GUCY1A2: variants seen among roughly 807,000 people sequenced by gnomAD.
The protein encoded by GUCY1A2 is guanylate cyclase 1 soluble subunit alpha 2.
In GUCY1A2, 27 loss-of-function variants were observed where a neutral mutation model predicts 63.5. The observed-to-expected ratio is 0.43, with a 90% CI of 0.31 to 0.59. GUCY1A2 has a LOEUF of 0.59. GUCY1A2 is among the 20% of genes least tolerant of loss of function. GUCY1A2 has a pLI of 0.11. For missense variants in GUCY1A2, 768 were observed against 913.3 expected (o/e 0.84, Z 2.05); for synonymous variants, 364 against 343.5 (o/e 1.06, Z -0.66).
intron 1 of GUCY1A2, among the ~76,000 whole-genome samples, chr11:106,991,151 G>A (rs570120903): frequency 1.3e-4 from 19 of 146,342 alleles, no homozygotes; most frequent in African/African-American, 3.7e-4. Context: ...CACCATGCCC[G>A]GCTTTTTTTT....
chr11:106,741,513 T>C (rs921773454), intron 6 of GUCY1A2, among the ~76,000 whole-genome samples: 1 of 151,962 alleles, frequency 6.6e-6, no homozygotes, highest in Non-Finnish European at 1.5e-5. Flanking sequence ...AAGGAGAAAA[T>C]AACCACAGAA....
At chr11:106,897,284 T>C (rs1451164854) in intron 4 of GUCY1A2, among the ~76,000 whole-genome samples, 2 of 152,182 alleles carry the variant, frequency 1.3e-5, no homozygotes, top group Admixed American at 6.5e-5. Flanking sequence ...ACTTGCTCTA[T>C]AGATTCAATG....
intron 4 of GUCY1A2, among the ~76,000 whole-genome samples, chr11:106,875,549 A>C (rs1222757928): frequency 2.0e-5 from 3 of 152,010 alleles, no homozygotes; most frequent in Non-Finnish European, 4.4e-5. Context: ...CACTGACTTC[A>C]TTGTTAAGAA....
At position 106,826,589 on chromosome 11, in the gene GUCY1A2, A is replaced by C. The variant is rs372115231; in HGVS notation, c.1207-16111T>G. The C allele has an allele frequency of 8.1e-6, 13 of 1,602,982 alleles. No individual in the cohort carries two copies. The African/African-American group carries it at 1.5e-4, about 18-fold the overall frequency. On this transcript the variant is annotated intron_variant, in intron 4 of 7. Transcript: ENST00000526355. ...TGTCCTTTGGTACATCTCAGCATTA[A>C]TTCATGATCTGAACCTAAGCCCTGT...
chr11:106,762,787 T>TA (rs1864088181), intron 6 of GUCY1A2, among the ~76,000 whole-genome samples: 1 of 152,156 alleles, frequency 6.6e-6, no homozygotes, highest in Non-Finnish European at 1.5e-5. Flanking sequence ...AGTTTGCTCA[T>TA]ATTAATTTCT....
chr11:106,794,831 T>C (rs1311563004), intron 5 of GUCY1A2, among the ~76,000 whole-genome samples: 1 of 152,118 alleles, frequency 6.6e-6, no homozygotes, highest in Admixed American at 6.6e-5. Flanking sequence ...ATAAAAAATT[T>C]AGCATGGTAC....
intron 4 of GUCY1A2, among the ~76,000 whole-genome samples, chr11:106,904,238 T>TA (rs1860173523): frequency 6.6e-6 from 1 of 152,108 alleles, no homozygotes; most frequent in Admixed American, 6.6e-5. Flanking sequence ...AGCAGCAAAA[T>TA]ATATATAGGA....
In GUCY1A2 at chr11:106,922,549, C is replaced by CATAT. The variant is rs754520251; in HGVS notation, c.1206+16907_1206+16910dup. Reference sequence around the variant, plus strand: ...AATTGTGAGTACACACACACACGAACATATATATATATATATGTTTTTAAA... The same window carrying CATAT: ...AATTGTGAGTACACACACACACGAACATATATATATATATATATATGTTTTTAAA... On this transcript the variant is annotated intron_variant, in intron 4 of 7. Coordinates refer to ENST00000526355, the MANE Select transcript of GUCY1A2 (RefSeq NM_000855.3). Among the ~76,000 whole-genome samples the CATAT allele has an allele frequency of 8.9e-5, 13 of 145,666 alleles. No individual in the cohort carries two copies. In the South Asian group the frequency reaches 1.3e-3, roughly 15 times the overall value.
At chr11:106,694,441 G>T (rs1565259829) in intron 7 of GUCY1A2, among the ~76,000 whole-genome samples, 1 of 152,086 alleles carries the variant, frequency 6.6e-6, no homozygotes, top group Non-Finnish European at 1.5e-5. Context: ...TAGCTACTAT[G>T]GTTCTGAGTA....
Position 106,964,793 on chromosome 11 carries a change from C to T in GUCY1A2, c.487+13826G>A, listed in dbSNP as rs182267683. Among the ~76,000 whole-genome samples, 616 of 152,162 alleles carry T rather than the reference C, an allele frequency of 4.0e-3. 7 individuals carry two copies. Among genetic ancestry groups the T allele is most frequent in the African/African-American group, 0.013 (552 of 41,494 alleles). ...AGGAGATCGAGACCATCCTGGCTAA[C>T]GCGGTGAAACCCCATCTCTACTAAA... On this transcript the variant is annotated intron_variant, in intron 3 of 7. Transcript: ENST00000526355.
intron 1 of GUCY1A2, among the ~76,000 whole-genome samples, chr11:107,012,104 C>T (rs1861754223): frequency 6.6e-6 from 1 of 152,124 alleles, no homozygotes; most frequent in African/African-American, 2.4e-5. Flanking sequence ...TATTGCCACA[C>T]AGCAGTCAGT....
At chr11:106,707,333 C>A (rs1862934384) in intron 7 of GUCY1A2, among the ~76,000 whole-genome samples, 1 of 151,914 alleles carries the variant, frequency 6.6e-6, no homozygotes, top group African/African-American at 2.4e-5. Flanking sequence ...TTGAAAATAT[C>A]ACTATTTTAT....
chr11:106,804,643 C>CTTCCTA (rs1858655816), intron 5 of GUCY1A2, among the ~76,000 whole-genome samples: 2 of 152,244 alleles, frequency 1.3e-5, no homozygotes, highest in Admixed American at 1.3e-4. Context: ...TATCAAGTGG[C>CTTCCTA]AAGACAAATC....
intron 4 of GUCY1A2, among the ~76,000 whole-genome samples, chr11:106,848,803 T>A (rs1050017236): frequency 2.6e-5 from 4 of 151,696 alleles, no homozygotes; most frequent in Admixed American, 1.3e-4. Flanking sequence ...GAATGTTTAG[T>A]CATTTATTGA....
intron 5 of GUCY1A2, among the ~76,000 whole-genome samples, chr11:106,796,599 G>A (rs900045006): frequency 1.1e-4 from 17 of 152,014 alleles, no homozygotes; most frequent in Admixed American, 2.0e-4. Flanking sequence ...GTTGAATATC[G>A]GCCCCCACTC....
intron 6 of GUCY1A2, among the ~76,000 whole-genome samples, chr11:106,709,511 A>G (rs1455891784): frequency 3.7e-5 from 2 of 53,614 alleles, no homozygotes; most frequent in Non-Finnish European, 6.0e-5. Flanking sequence ...AATATATATT[A>G]TTCTATAAAT....
intron 3 of GUCY1A2, among the ~76,000 whole-genome samples, chr11:106,964,090 A>G (rs1861096098): frequency 1.3e-5 from 2 of 151,936 alleles, no homozygotes. Flanking sequence ...ATTTGAGAGT[A>G]GGTAGCAGAC....
intron 4 of GUCY1A2, among the ~76,000 whole-genome samples, chr11:106,813,547 T>C (rs1283241223): frequency 2.0e-5 from 3 of 152,110 alleles, no homozygotes; most frequent in African/African-American, 7.2e-5. Context: ...ACATGTTTTA[T>C]ATTTTTGCCT....
rs12294733 is a variant in GUCY1A2, at chr11:107,005,282, T to A, written c.303+12471A>T. Among the ~76,000 whole-genome samples the A allele has an allele frequency of 3.8e-3, 577 of 152,300 alleles. 4 individuals carry two copies. Among genetic ancestry groups the A allele is most frequent in the African/African-American group, 0.012 (518 of 41,560 alleles). The stretch of plus-strand genomic sequence containing the variant: ...TTTTTAAATGTGATTTTACATTTTT[T>A]AAATTTTTTTGGAGACAACTTCTCA... On this transcript the variant is annotated intron_variant, in intron 1 of 7. Coordinates refer to ENST00000526355, the MANE Select transcript of GUCY1A2 (RefSeq NM_000855.3).
Sources: allele counts gnomAD v4.1 joint callset (sites outside exome capture counted in the v4.1 genomes callset), GRCh38; gene constraint gnomAD v4.1.1; transcripts MANE v1.5; gene names NCBI Gene and HGNC (gene_info 2026-07-23, HGNC 2026-07-21).